Variants in KCNQ3 observed in about 807,000 individuals in gnomAD.
The protein encoded by KCNQ3 is potassium voltage-gated channel subfamily KQT member 3.
A neutral mutation model predicts 92.5 loss-of-function variants in KCNQ3; 30 were observed. The observed-to-expected ratio is 0.32, with a 90% confidence interval of 0.24 to 0.44. The LOEUF (loss-of-function observed/expected upper bound fraction) is 0.44, where lower values mean the gene tolerates loss of function less well. Ranked by LOEUF, KCNQ3 falls within the 20% of genes least tolerant of loss-of-function variation. The pLI is 1.00. For missense variants in KCNQ3, 913 were observed against 1,140.3 expected, an observed-to-expected ratio of 0.80 and a Z score of 2.87; for synonymous variants, 450 against 468.8, an observed-to-expected ratio of 0.96 and a Z score of 0.52.
In KCNQ3 at chr8:132,480,229, C is replaced by G. The variant is rs867066299; in HGVS notation, c.304G>C (p.Ala102Pro). The change falls in exon 1 of 15, where the codon GCC becomes CCC. Residue 102 changes from alanine to proline, a missense_variant. Ala to Pro is a conservative substitution (Grantham distance 27). This residue lies in a region of KCNQ3 where 183 missense variants were observed against 167.7 expected (regional missense o/e 1.09). Coordinates refer to ENST00000388996, the MANE Select transcript of KCNQ3 (RefSeq NM_004519.4). ...PLSRPVKRNNAKYRRIQTLIY... is the reference protein window; with the variant it reads ...PLSRPVKRNNPKYRRIQTLIY... Reference sequence around the variant, plus strand: ...AAAGTTTGGATGCGCCGGTACTTGGCGTTGTTTCTCTTGACTGGGCGGCTC... The same window carrying G: ...AAAGTTTGGATGCGCCGGTACTTGGGGTTGTTTCTCTTGACTGGGCGGCTC... The G allele has an allele frequency of 1.2e-6, 2 of 1,613,356 alleles. No individual in the cohort carries two copies. Among genetic ancestry groups the G allele is most frequent in the Non-Finnish European group, 1.7e-6 (2 of 1,179,564 alleles).
chr8:132,428,127 C>A (rs1821156742), intron 1 of KCNQ3, among the ~76,000 whole-genome samples: 1 of 152,116 alleles, frequency 6.6e-6, no homozygotes, highest in Non-Finnish European at 1.5e-5. Context: ...TCGGTCTCTG[C>A]ACCTCTGCTC....
At position 132,450,888 on chromosome 8, in the gene KCNQ3, A is replaced by C. The variant is rs192934388; in HGVS notation, c.386+29259T>G. On this transcript the variant is annotated intron_variant, in intron 1 of 14. Transcript: ENST00000388996. Reference sequence around the variant, plus strand: ...AGAGAAAAGAAAAGCAGAACTGAAAAAGGACATCAAAGGATGGGTTGATTA... The same window carrying C: ...AGAGAAAAGAAAAGCAGAACTGAAACAGGACATCAAAGGATGGGTTGATTA... 1.2e-4 allele frequency among the ~76,000 whole-genome samples: 18 copies of C among 152,352 alleles called. No homozygotes were observed. The East Asian group carries it at 3.5e-3, about 29-fold the overall frequency.
chr8:132,173,600 C>T (rs1218007044), intron 6 of KCNQ3, among the ~76,000 whole-genome samples: 2 of 151,988 alleles, frequency 1.3e-5, no homozygotes, highest in Non-Finnish European at 2.9e-5. Context: ...AAAAACAGCA[C>T]CCGACCCATA....
In KCNQ3 at chr8:132,467,885, C is replaced by G. The variant is rs941628581; in HGVS notation, c.386+12262G>C. On this transcript the variant is annotated intron_variant, in intron 1 of 14. Transcript: ENST00000388996. ...CTGCTGTTGGAGGCACGTGGGGAGGCCAGTGTGGCTGAATGGATGCCCGCC... is the reference window on the plus strand; with the variant it reads ...CTGCTGTTGGAGGCACGTGGGGAGGGCAGTGTGGCTGAATGGATGCCCGCC... 8.5e-5 allele frequency among the ~76,000 whole-genome samples: 13 copies of G among 152,288 alleles called. No individual in the cohort carries two copies. The Middle Eastern group carries it at 0.01, about 120-fold the overall frequency.
intron 1 of KCNQ3, among the ~76,000 whole-genome samples, chr8:132,208,262 G>A (rs9643288): frequency 0.2 from 30,675 of 151,718 alleles, 3,798 homozygotes; most frequent in Middle Eastern, 0.31. Context: ...CCTTAAGGTA[G>A]GCATGGCACA....
chr8:132,351,081 C>T (rs1293929985), intron 1 of KCNQ3, among the ~76,000 whole-genome samples: 3 of 152,112 alleles, frequency 2.0e-5, no homozygotes, highest in African/African-American at 4.8e-5. Flanking sequence ...ATTTCTGCTT[C>T]CCCCACAGTG....
At chr8:132,140,884 G>A (rs1458487457) in intron 10 of KCNQ3, 8 of 544,540 alleles carry the variant, frequency 1.5e-5, no homozygotes, top group East Asian at 1.3e-4. Context: ...AGAAACCAAG[G>A]TGACAGGTTT....
intron 1 of KCNQ3, among the ~76,000 whole-genome samples, chr8:132,436,281 A>T (rs1587017509): frequency 6.6e-6 from 1 of 152,234 alleles, no homozygotes; most frequent in Non-Finnish European, 1.5e-5. Flanking sequence ...ACTATAAGAG[A>T]GTTACATATA....
Position 132,299,733 on chromosome 8 carries a change from G to A in KCNQ3, c.387-113552C>T, listed in dbSNP as rs1275430202. Among the ~76,000 whole-genome samples, 18 of 152,322 alleles carry A rather than the reference G, an allele frequency of 1.2e-4. 1 individual carries two copies. Among genetic ancestry groups the A allele is most frequent in the African/African-American group, 4.3e-4 (18 of 41,570 alleles). On this transcript the variant is annotated intron_variant, in intron 1 of 14. Coordinates refer to ENST00000388996, the MANE Select transcript of KCNQ3 (RefSeq NM_004519.4). ...CACACAATTAGGGAGGTGCCAGTCT[G>A]CTTCAGCCTGTAGATCCCATTGCCT...
rs191832563 is a variant in KCNQ3, at chr8:132,377,694, T to C, written c.386+102453A>G. On this transcript the variant is annotated intron_variant, in intron 1 of 14. Coordinates refer to ENST00000388996, the MANE Select transcript of KCNQ3 (RefSeq NM_004519.4). ...GCTAAGCACAGTGATAGGTAAATAG[T>C]GGGTGCTTGATAAATATTAGTGGAA... Among the ~76,000 whole-genome samples the C allele has an allele frequency of 1.9e-4, 29 of 152,314 alleles. No homozygotes were observed. The East Asian group carries it at 5.4e-3, about 28-fold the overall frequency.
In KCNQ3 at chr8:132,141,282, T is replaced by C; in HGVS notation, c.1312A>G (p.Ser438Gly). 1 of 1,614,174 alleles carries C rather than the reference T, an allele frequency of 6.2e-7. No homozygotes were observed. Residue 438 changes from serine to glycine, a missense_variant, in exon 10 of 15, where the codon AGC becomes GGC. Physicochemically the swap from Ser to Gly is moderately conservative, Grantham distance 56. Coordinates refer to ENST00000388996, the MANE Select transcript of KCNQ3 (RefSeq NM_004519.4). ...GTAAATAGCTTTCCTTTAGTATTGCTACCACGAGGATTAGAAAGGCGAACC... is the reference window on the plus strand; with the variant it reads ...GTAAATAGCTTTCCTTTAGTATTGCCACCACGAGGATTAGAAAGGCGAACC... ...DRVRLSNPRG[S>G]NTKGKLFTPL...
chr8:132,146,453 A>C (rs1461818526), intron 9 of KCNQ3, among the ~76,000 whole-genome samples: 1 of 152,232 alleles, frequency 6.6e-6, no homozygotes, highest in Non-Finnish European at 1.5e-5. Flanking sequence ...ACAAACAGAA[A>C]GTAGAATGGT....
At chr8:132,414,755 G>T (rs1820748699) in intron 1 of KCNQ3, among the ~76,000 whole-genome samples, 10 of 152,170 alleles carry the variant, frequency 6.6e-5, no homozygotes. Flanking sequence ...GACAGAGGGA[G>T]CAAACAAACA....
At chr8:132,367,343 G>A (rs1013449082) in intron 1 of KCNQ3, among the ~76,000 whole-genome samples, 1 of 152,162 alleles carries the variant, frequency 6.6e-6, no homozygotes, top group Non-Finnish European at 1.5e-5. Context: ...GCACATGGGT[G>A]TATAAAGAGC....
intron 4 of KCNQ3, among the ~76,000 whole-genome samples, chr8:132,178,153 A>C (rs983540463): frequency 1.3e-5 from 2 of 152,278 alleles, no homozygotes; most frequent in Non-Finnish European, 2.9e-5. Context: ...TTTTAGCACC[A>C]GTGTTGACCA....
chr8:132,140,170 T>A lies in KCNQ3; in HGVS notation c.1474A>T (p.Thr492Ser). 1 of 1,612,926 alleles carries A rather than the reference T, an allele frequency of 6.2e-7. No individual in the cohort carries two copies. ...AFWQSSEDAG[T>S]GDPMAEDRGY... ...CTGTCTTCCGCCATGGGGTCACCTGTCCCGGCATCTGGGAGGGAGACACAC... is the reference window on the plus strand; with the variant it reads ...CTGTCTTCCGCCATGGGGTCACCTGACCCGGCATCTGGGAGGGAGACACAC... Residue 492 changes from threonine to serine, a missense_variant, in exon 11 of 15, where the codon ACA (threonine) becomes TCA (serine). Transcript: ENST00000388996.
chr8:132,354,733 T>G (rs1344273112), intron 1 of KCNQ3, among the ~76,000 whole-genome samples: 1 of 152,266 alleles, frequency 6.6e-6, no homozygotes, highest in Non-Finnish European at 1.5e-5. Flanking sequence ...TGCTCTGGAC[T>G]GAGAGCCATT....
rs1360670972 is a variant in KCNQ3, at chr8:132,218,949, A to G, written c.387-32768T>C. On this transcript the variant is annotated intron_variant, in intron 1 of 14. Transcript: ENST00000388996. ...GCATGCTTTGTTACTGTTTTTCACT[A>G]TTTTCTACAACATTGACCTTTGGCT... Among the ~76,000 whole-genome samples the G allele has an allele frequency of 2.0e-5, 3 of 151,966 alleles. No homozygotes were observed. In the East Asian group the frequency reaches 5.8e-4, roughly 29 times the overall value.
At chr8:132,243,993 A>T (rs1815077886) in intron 1 of KCNQ3, among the ~76,000 whole-genome samples, 1 of 152,198 alleles carries the variant, frequency 6.6e-6, no homozygotes, top group Non-Finnish European at 1.5e-5. Context: ...CCAGGTGCTC[A>T]GGAAAGCTAG....
Sources: allele counts gnomAD v4.1 joint callset (sites outside exome capture counted in the v4.1 genomes callset), GRCh38; gene constraint gnomAD v4.1.1; regional missense constraint gnomAD v4.1.1; transcripts MANE v1.5; gene names NCBI Gene and HGNC (gene_info 2026-07-23, HGNC 2026-07-21).